The following TMEFF2 variants were observed in gnomAD, a reference collection of about 807,000 sequenced individuals.
The protein encoded by TMEFF2 is tomoregulin-2.
Under a neutral mutation model 53.8 loss-of-function variants are expected in TMEFF2, and 28 were observed. The observed-to-expected ratio is 0.52, with a 90% confidence interval of 0.39 to 0.71. The LOEUF is 0.71. Among genes scored for constraint, TMEFF2 ranks in the 30% least tolerant of loss-of-function variants. The pLI is 0.00. For synonymous variants in TMEFF2, 162 were observed against 166.3 expected (o/e 0.97, Z 0.20); for missense variants, 353 against 455.2 (o/e 0.78, Z 2.04).
At chr2:192,193,761 T>TAGAGAGAGAGAG (rs530141565) in intron 1 of TMEFF2, among the ~76,000 whole-genome samples, 32 of 47,798 alleles carry the variant, frequency 6.7e-4, no homozygotes, top group Admixed American at 2.4e-3. Flanking sequence ...GATAGATAGA[T>TAGAGAGAGAGAG]AGAGAGAGAG....
intron 7 of TMEFF2, among the ~76,000 whole-genome samples, chr2:191,978,981 A>G (rs1331257577): frequency 6.6e-6 from 1 of 152,152 alleles, no homozygotes; most frequent in Non-Finnish European, 1.5e-5. Context: ...AGAACCATAC[A>G]ATGTAGGAAA....
At chr2:192,025,825 A>C (rs1398822025) in intron 5 of TMEFF2, among the ~76,000 whole-genome samples, 1 of 152,170 alleles carries the variant, frequency 6.6e-6, no homozygotes, top group Non-Finnish European at 1.5e-5. Context: ...GGGGAGATAC[A>C]ATGTCTGAAT....
intron 4 of TMEFF2, chr2:192,177,869 G>A (rs958146469): frequency 6.6e-6 from 1 of 150,972 alleles, no homozygotes; most frequent in Admixed American, 6.6e-5. Context: ...GGAAGAGTGA[G>A]TTTGACTTCA....
At chr2:192,168,979 C>T (rs1559155195) in intron 4 of TMEFF2, among the ~76,000 whole-genome samples, 1 of 151,964 alleles carries the variant, frequency 6.6e-6, no homozygotes, top group Admixed American at 6.6e-5. Context: ...TCAGCCTCCT[C>T]GGTAGCTGGG....
chr2:192,078,025 T>C (rs190168262), intron 4 of TMEFF2, among the ~76,000 whole-genome samples: 1 of 152,124 alleles, frequency 6.6e-6, no homozygotes, highest in Non-Finnish European at 1.5e-5. Context: ...AGTCTTTTTT[T>C]AAAAAGCAAA....
At chr2:191,950,467 A>G in intron 9 of TMEFF2, 60 bp from the exon 10 acceptor site, 1 of 1,610,668 alleles carries the variant, frequency 6.2e-7, no homozygotes. Flanking sequence ...GTTTGGCCCT[A>G]CAATCACAGA....
chr2:192,119,145 C>A (rs1689486169), intron 4 of TMEFF2, among the ~76,000 whole-genome samples: 1 of 152,018 alleles, frequency 6.6e-6, no homozygotes, highest in Non-Finnish European at 1.5e-5. Flanking sequence ...AGTATGTTGT[C>A]CAACTACTTA....
At chr2:192,025,895 C>T (rs1686960778) in intron 5 of TMEFF2, among the ~76,000 whole-genome samples, 1 of 152,118 alleles carries the variant, frequency 6.6e-6, no homozygotes, top group African/African-American at 2.4e-5. Flanking sequence ...AAAATACATC[C>T]CTGACTGAAC....
intron 7 of TMEFF2, among the ~76,000 whole-genome samples, chr2:191,987,763 G>A (rs193237567): frequency 6.6e-6 from 1 of 152,152 alleles, no homozygotes; most frequent in African/African-American, 2.4e-5. Context: ...AATGCTATTT[G>A]TAAGTCATTG....
At chr2:192,139,173 T>C (rs1391512271) in intron 4 of TMEFF2, among the ~76,000 whole-genome samples, 1 of 152,172 alleles carries the variant, frequency 6.6e-6, no homozygotes, top group Non-Finnish European at 1.5e-5. Context: ...GTGGCTGAAA[T>C]TGTCACTTCT....
At chr2:192,118,789 T>C (rs909593799) in intron 4 of TMEFF2, among the ~76,000 whole-genome samples, 17 of 152,228 alleles carry the variant, frequency 1.1e-4, no homozygotes, top group Non-Finnish European at 1.8e-4. Flanking sequence ...ATACTTTATA[T>C]GTAGATTTCC....
chr2:192,038,450 T>A (rs1056123451), intron 5 of TMEFF2, among the ~76,000 whole-genome samples: 12 of 152,254 alleles, frequency 7.9e-5, no homozygotes, highest in African/African-American at 2.4e-4. Flanking sequence ...GTTGTTATTT[T>A]AAATTTTTTT....
intron 4 of TMEFF2, among the ~76,000 whole-genome samples, chr2:192,089,242 G>A: frequency 6.6e-6 from 1 of 151,096 alleles, no homozygotes; most frequent in East Asian, 1.9e-4. Flanking sequence ...TTAGGCTCAG[G>A]AAAGGCCTTT....
intron 5 of TMEFF2, among the ~76,000 whole-genome samples, chr2:192,023,425 G>C (rs1171156656): frequency 6.6e-6 from 1 of 152,144 alleles, no homozygotes; most frequent in Non-Finnish European, 1.5e-5. Context: ...AGTTTTGAGA[G>C]AGAGGTGACA....
intron 4 of TMEFF2, among the ~76,000 whole-genome samples, chr2:192,158,841 C>T (rs532201411): frequency 6.6e-6 from 1 of 152,030 alleles, no homozygotes; most frequent in Non-Finnish European, 1.5e-5. Context: ...GAGAGCAAAT[C>T]GGAAAATGAT....
intron 5 of TMEFF2, among the ~76,000 whole-genome samples, chr2:192,046,965 G>A (rs1687638525): frequency 6.6e-6 from 1 of 151,264 alleles, no homozygotes; most frequent in Non-Finnish European, 1.5e-5. Context: ...CTGTCACCCA[G>A]GCTGGAGTGC....
At chr2:192,023,101 A>G (rs980210695) in intron 5 of TMEFF2, among the ~76,000 whole-genome samples, 5 of 151,724 alleles carry the variant, frequency 3.3e-5, no homozygotes, top group African/African-American at 1.2e-4. Context: ...GATTTATGCT[A>G]TTTTCTGTTT....
At chr2:192,178,228 A>G (rs1691097801) in intron 4 of TMEFF2, 2 of 151,092 alleles carry the variant, frequency 1.3e-5, no homozygotes, top group African/African-American at 4.8e-5. Flanking sequence ...CAAAAGCAAC[A>G]TTTTAAAAAA....
At chr2:191,998,141 G>T (rs532591071) in intron 7 of TMEFF2, 121 bp downstream of exon 7, 1 of 731,424 alleles carries the variant, frequency 1.4e-6, no homozygotes, top group Non-Finnish European at 2.2e-6. Context: ...CTAAGCAAGA[G>T]AAGGCTAGCA....
Sources: allele counts gnomAD v4.1 joint callset (sites outside exome capture counted in the v4.1 genomes callset), GRCh38; gene constraint gnomAD v4.1.1; transcripts MANE v1.5; gene names NCBI Gene and HGNC (gene_info 2026-07-23, HGNC 2026-07-21).